The following MAD1L1 variants were observed in gnomAD, a reference collection of about 807,000 sequenced individuals.
MAD1L1 encodes mitotic spindle assembly checkpoint protein MAD1.
In MAD1L1, 95 loss-of-function variants were observed where a neutral mutation model predicts 96.9. The observed-to-expected ratio is 0.98, with a 90% CI of 0.83 to 1.16. MAD1L1 has a LOEUF of 1.16. Among genes scored for constraint, MAD1L1 ranks in the 50% most tolerant of loss-of-function variants. MAD1L1 has a pLI of 0.00. For missense variants in MAD1L1, 1,007 were observed against 954.4 expected (o/e 1.06, Z -0.73); for synonymous variants, 473 against 396.6 (o/e 1.19, Z -2.29).
At chr7:1,967,607 C>T (rs1780221140) in intron 15 of MAD1L1, among the ~76,000 whole-genome samples, 1 of 152,222 alleles carries the variant, frequency 6.6e-6, no homozygotes. Flanking sequence ...CTGCTCAGGA[C>T]TGTGCTGCCA....
At chr7:1,982,814 A>C (rs1780967894) in intron 14 of MAD1L1, among the ~76,000 whole-genome samples, 2 of 152,104 alleles carry the variant, frequency 1.3e-5, no homozygotes, top group Non-Finnish European at 2.9e-5. Flanking sequence ...ATACTTTCTT[A>C]TTTACAGCAC....
intron 7 of MAD1L1, among the ~76,000 whole-genome samples, chr7:2,216,939 C>G (rs1010866481): frequency 2.0e-5 from 3 of 152,196 alleles, no homozygotes; most frequent in Non-Finnish European, 4.4e-5. Context: ...TCCAGGGCAG[C>G]TCTTCCCAGC....
At chr7:2,163,374 CTTTGTTT>C (rs965614480) in intron 10 of MAD1L1, among the ~76,000 whole-genome samples, 102 of 152,068 alleles carry the variant, frequency 6.7e-4, no homozygotes, top group African/African-American at 2.2e-3. Flanking sequence ...AGTATGTATT[CTTTGTTT>C]TTTGTTTTTT....
At chr7:2,041,265 C>G (rs151191125) in intron 12 of MAD1L1, among the ~76,000 whole-genome samples, 266 of 152,312 alleles carry the variant, frequency 1.7e-3, no homozygotes, top group Middle Eastern at 0.014. Context: ...CCCTTGGAGA[C>G]ACACATGCCC....
intron 10 of MAD1L1, among the ~76,000 whole-genome samples, chr7:2,209,351 G>A (rs1397429601): frequency 2.6e-5 from 4 of 152,166 alleles, no homozygotes; most frequent in East Asian, 1.9e-4. Context: ...ACTGCAGGAC[G>A]TCAGCACCCT....
chr7:2,042,078 T>G (rs1783701419), intron 12 of MAD1L1, among the ~76,000 whole-genome samples: 1 of 149,144 alleles, frequency 6.7e-6, no homozygotes, highest in Non-Finnish European at 1.5e-5. Context: ...TACACACATA[T>G]GTACACACAC....
At chr7:1,983,235 G>T (rs1469290318) in intron 14 of MAD1L1, among the ~76,000 whole-genome samples, 1 of 151,874 alleles carries the variant, frequency 6.6e-6, no homozygotes, top group African/African-American at 2.4e-5. Flanking sequence ...AACACTTCCA[G>T]AATGCCTTCC....
At chr7:1,902,672 T>G (rs1787319746) in intron 17 of MAD1L1, among the ~76,000 whole-genome samples, 1 of 82,160 alleles carries the variant, frequency 1.2e-5, no homozygotes, top group Admixed American at 1.4e-4. Flanking sequence ...AGCCTCAGGG[T>G]GCAGGGAACC....
At chr7:1,898,135 C>A in intron 18 of MAD1L1, 65 bp downstream of exon 18, 3 of 1,494,314 alleles carry the variant, frequency 2.0e-6, no homozygotes, top group South Asian at 2.4e-5. Context: ...GGGCTACGGT[C>A]GGATCTCCCC....
At chr7:2,213,405 C>T in intron 9 of MAD1L1, 132 bp from the exon 10 acceptor site, 1 of 795,122 alleles carries the variant, frequency 1.3e-6, no homozygotes, top group Non-Finnish European at 2.1e-6. Context: ...GAGCTGGGCG[C>T]TACATGCTCC....
At chr7:1,883,888 A>G (rs1249865555) in intron 18 of MAD1L1, among the ~76,000 whole-genome samples, 2 of 152,342 alleles carry the variant, frequency 1.3e-5, no homozygotes, top group South Asian at 2.1e-4. Context: ...TCTGACCTGC[A>G]GACCCTGACA....
chr7:1,995,010 C>T (rs192671591), intron 14 of MAD1L1, among the ~76,000 whole-genome samples: 3 of 152,210 alleles, frequency 2.0e-5, no homozygotes, highest in East Asian at 1.9e-4. Flanking sequence ...GCCCAGTCTG[C>T]GGTGTTCCTG....
rs1409078106 is a variant in MAD1L1 at position 1,887,310 on chromosome 7, TG to T, written c.1998+10889del. 6.3e-4 allele frequency among the ~76,000 whole-genome samples: 95 copies of T among 151,296 alleles called. 1 individual carries two copies. Among genetic ancestry groups the T allele is most frequent in the Non-Finnish European group, 1.5e-4 (10 of 67,744 alleles). ...GTGGCTGCCTGTGTGTGGGCATGTG[TG>T]TGCATGCATGCGCATGCGTGGCTGC... On this transcript the variant is annotated intron_variant, in intron 18 of 18. Transcript: ENST00000265854.
At chr7:2,174,489 G>A (rs1052875553) in intron 10 of MAD1L1, among the ~76,000 whole-genome samples, 6 of 152,070 alleles carry the variant, frequency 3.9e-5, no homozygotes, top group African/African-American at 1.4e-4. Flanking sequence ...TCAAGAGAGG[G>A]TTTTTCAATT....
intron 15 of MAD1L1, among the ~76,000 whole-genome samples, chr7:1,963,898 A>G (rs1466599436): frequency 1.3e-5 from 2 of 152,252 alleles, no homozygotes; most frequent in Non-Finnish European, 2.9e-5. Context: ...GTGGCCGTGC[A>G]GTGTGAGACC....
At chr7:1,857,388 A>G (rs923749648) in intron 18 of MAD1L1, among the ~76,000 whole-genome samples, 2 of 151,884 alleles carry the variant, frequency 1.3e-5, no homozygotes, top group African/African-American at 4.8e-5. Context: ...ATGCCCCGGG[A>G]GGCAGCCAGC....
chr7:1,863,918 CT>C (rs1265287309), intron 18 of MAD1L1, among the ~76,000 whole-genome samples: 6 of 152,222 alleles, frequency 3.9e-5, no homozygotes, highest in Non-Finnish European at 5.9e-5. Flanking sequence ...GAAACCCCGT[CT>C]CTACTAAAAA....
intron 15 of MAD1L1, among the ~76,000 whole-genome samples, chr7:1,973,172 G>C (rs891213134): frequency 6.6e-6 from 1 of 152,196 alleles, no homozygotes; most frequent in Non-Finnish European, 1.5e-5. Flanking sequence ...GGGCTGATGA[G>C]GACACTCAGT....
At chr7:1,860,974 T>C (rs549357902) in intron 18 of MAD1L1, among the ~76,000 whole-genome samples, 6 of 152,274 alleles carry the variant, frequency 3.9e-5, no homozygotes, top group Admixed American at 2.6e-4. Context: ...CTATAGGTGG[T>C]TGTACCAGCA....
Sources: allele counts gnomAD v4.1 joint callset (sites outside exome capture counted in the v4.1 genomes callset), GRCh38; gene constraint gnomAD v4.1.1; transcripts MANE v1.5; gene names NCBI Gene and HGNC (gene_info 2026-07-23, HGNC 2026-07-21).